The following SLC25A17 variants were observed in gnomAD, a reference collection of about 807,000 sequenced individuals.
The protein encoded by SLC25A17 is peroxisomal membrane protein PMP34.
SLC25A17 carries 26 observed loss-of-function variants against 38.5 expected under a neutral mutation model. The observed-to-expected ratio is 0.68, with a 90% CI of 0.50 to 0.94. The LOEUF (loss-of-function observed/expected upper bound fraction) is 0.94. SLC25A17 is among the 40% of genes least tolerant of loss of function. The pLI is 0.00. For synonymous variants in SLC25A17, 139 were observed against 136.2 expected (o/e 1.02, Z -0.14); for missense variants, 333 against 372.7 (o/e 0.89, Z 0.88).
At chr22:40,773,292 C>G (rs1369390954) in intron 8 of SLC25A17, among the ~76,000 whole-genome samples, 5 of 151,924 alleles carry the variant, frequency 3.3e-5, no homozygotes, top group African/African-American at 1.2e-4. Context: ...CGCCTGTAGT[C>G]CCAGCTACTT....
chr22:40,801,980 C>T (rs538370521), intron 1 of SLC25A17, among the ~76,000 whole-genome samples: 10 of 152,102 alleles, frequency 6.6e-5, no homozygotes, highest in Non-Finnish European at 1.0e-4. Context: ...TTAGTGGAGA[C>T]GGGGTTTCAT....
At chr22:40,803,011 T>C (rs1336452624) in intron 1 of SLC25A17, among the ~76,000 whole-genome samples, 1 of 152,242 alleles carries the variant, frequency 6.6e-6, no homozygotes, top group Non-Finnish European at 1.5e-5. Context: ...ATCATTTCTT[T>C]GTGGTGATAA....
At chr22:40,816,053 G>A (rs1204261446) in intron 1 of SLC25A17, among the ~76,000 whole-genome samples, 12 of 152,072 alleles carry the variant, frequency 7.9e-5, no homozygotes, top group Non-Finnish European at 1.5e-5. Context: ...AGGCGTGGTG[G>A]CACATGCCTG....
intron 7 of SLC25A17, chr22:40,776,419 T>C (rs994603066): frequency 2.6e-5 from 9 of 345,432 alleles, no homozygotes; most frequent in African/African-American, 1.8e-4. Flanking sequence ...GGATAATCCC[T>C]GCTGGGGCAC....
intron 4 of SLC25A17, chr22:40,779,352 G>T: frequency 1.7e-6 from 2 of 1,182,774 alleles, no homozygotes; most frequent in East Asian, 2.6e-5. Context: ...CAGCTCTCCA[G>T]ATGAAGAGCA....
At chr22:40,778,932 G>C (rs2057270578) in intron 5 of SLC25A17, 77 bp downstream of exon 5, 1 of 1,263,030 alleles carries the variant, frequency 7.9e-7, no homozygotes, top group Non-Finnish European at 1.1e-6. Context: ...ATGTTATGTA[G>C]CTTTATGTGG....
intron 4 of SLC25A17, chr22:40,784,503 T>G: frequency 5.4e-6 from 1 of 183,682 alleles, no homozygotes; most frequent in Admixed American, 5.9e-5. Context: ...CTGGGAGCAG[T>G]GGCTAATACC....
Position 40,775,067 on chromosome 22 carries a change from T to C in SLC25A17, c.694-1048A>G, listed in dbSNP as rs770192390. Among the ~76,000 whole-genome samples, 155 of 152,130 alleles carry C rather than the reference T, an allele frequency of 1.0e-3. 1 individual carries two copies. Among genetic ancestry groups the C allele is most frequent in the Admixed American group, 4.6e-4 (7 of 15,266 alleles). ...GCTTTCTGACCAATTCACCACATAATAGCCACAACAGTCTTCTTCAATTGT... is the reference window on the plus strand; with the variant it reads ...GCTTTCTGACCAATTCACCACATAACAGCCACAACAGTCTTCTTCAATTGT... On this transcript the variant is annotated intron_variant, in intron 7 of 8. Transcript: ENST00000435456.
At chr22:40,786,751 C>T (rs1569403858) in intron 4 of SLC25A17, among the ~76,000 whole-genome samples, 1 of 152,134 alleles carries the variant, frequency 6.6e-6, no homozygotes, top group Non-Finnish European at 1.5e-5. Flanking sequence ...TTCTGGGTAT[C>T]ATAAGAAGAA....
At chr22:40,776,943 T>G (rs2057249137) in intron 7 of SLC25A17, 97 bp downstream of exon 7, 1 of 1,021,304 alleles carries the variant, frequency 9.8e-7, no homozygotes, top group Non-Finnish European at 1.5e-6. Flanking sequence ...GTATACCAAC[T>G]AACTGCTTTA....
At chr22:40,776,326 C>G in intron 7 of SLC25A17, 5 of 467,682 alleles carry the variant, frequency 1.1e-5, no homozygotes, top group South Asian at 7.9e-5. Context: ...AAATAAAAAA[C>G]AGAAGTTTGA....
rs2145721056 is a variant in SLC25A17 at position 40,819,210 on chromosome 22, G to T, written c.39C>A (p.Ala13=). Residue 13 remains alanine (A), a synonymous_variant, in exon 1 of 9, where the codon GCC becomes GCA. Transcript: ENST00000435456. ...CCCGTCTCACCACGGCTCCGGCCACGGCGTGGACCAGGCTTTCGTAGGACA... is the reference window on the plus strand; with the variant it reads ...CCCGTCTCACCACGGCTCCGGCCACTGCGTGGACCAGGCTTTCGTAGGACA... ...SVLSYESLVH[A]VAGAVGSVTA... is the part of the protein sequence containing the mutation. The T allele has an allele frequency of 6.2e-7, 1 of 1,613,688 alleles. No individual in the cohort carries two copies. Among genetic ancestry groups the T allele is most frequent in the Non-Finnish European group, 8.5e-7 (1 of 1,180,004 alleles).
At chr22:40,782,171 G>A (rs1462703455) in intron 4 of SLC25A17, among the ~76,000 whole-genome samples, 1 of 152,048 alleles carries the variant, frequency 6.6e-6, no homozygotes, top group East Asian at 1.9e-4. Context: ...AGTGAGCCGA[G>A]ATCGCACTAC....
At chr22:40,809,585 T>C (rs796330889) in intron 1 of SLC25A17, among the ~76,000 whole-genome samples, 8 of 152,210 alleles carry the variant, frequency 5.3e-5, no homozygotes, top group Middle Eastern at 3.4e-3. Flanking sequence ...TAAGCTGAGA[T>C]TGTGCCACTG....
At chr22:40,813,325 G>A (rs2057601726) in intron 1 of SLC25A17, among the ~76,000 whole-genome samples, 1 of 152,038 alleles carries the variant, frequency 6.6e-6, no homozygotes, top group African/African-American at 2.4e-5. Flanking sequence ...ATCACTTGAG[G>A]TCAGGAGTTC....
chr22:40,779,520 T>C (rs886485131), intron 4 of SLC25A17: 3 of 385,420 alleles, frequency 7.8e-6, no homozygotes, highest in Admixed American at 4.0e-5. Context: ...CAATATCAGA[T>C]AAAACACACA....
intron 1 of SLC25A17, among the ~76,000 whole-genome samples, chr22:40,806,359 T>G (rs927962542): frequency 6.6e-6 from 1 of 152,222 alleles, no homozygotes; most frequent in Non-Finnish European, 1.5e-5. Flanking sequence ...AGGCTTCCAT[T>G]TCCAGCAATA....
At position 40,819,266 on chromosome 22, in the gene SLC25A17, G is replaced by A. The variant is rs891184999; in HGVS notation, c.-18C>T. 1.9e-6 allele frequency: 3 copies of A among 1,613,548 alleles called. No individual in the cohort carries two copies. The highest frequency in any genetic ancestry group is 2.5e-6 in the Non-Finnish European group (3 of 1,179,844). ...GAAGCCATTGGTGCGGCTCCTCGAA[G>A]ACCCAGCCACACTTTTCCCACAGAT... is the stretch of plus-strand genomic sequence containing the variant. On this transcript the variant is annotated 5_prime_UTR_variant, in exon 1 of 9. Coordinates refer to ENST00000435456, the MANE Select transcript of SLC25A17 (RefSeq NM_006358.4).
chr22:40,804,775 G>A lies in SLC25A17; in HGVS notation c.55-5692C>T, dbSNP rs887919214. Among the ~76,000 whole-genome samples, 7 of 152,238 alleles carry A rather than the reference G, an allele frequency of 4.6e-5. 1 individual carries two copies. Among genetic ancestry groups the A allele is most frequent in the African/African-American group, 1.4e-4 (6 of 41,556 alleles). On this transcript the variant is annotated intron_variant, in intron 1 of 8. Transcript: ENST00000435456. ...ATGGTTGACATGCAGGAGAGCCTCC[G>A]GGTCTGTGTCGATTGTGAGCATCAT...
Sources: gnomAD v4.1 joint callset for allele counts (sites outside exome capture counted in the v4.1 genomes callset) on GRCh38, gnomAD v4.1.1 for gene constraint, MANE v1.5 for transcripts, NCBI Gene and HGNC (gene_info 2026-07-23, HGNC 2026-07-21) for gene names.